Variants in SOX5 observed in about 807,000 individuals in gnomAD.
SOX5 encodes SRY-box transcription factor 5, also known as transcription factor SOX-5.
A neutral mutation model predicts 92.0 loss-of-function variants in SOX5; 9 were observed. The observed-to-expected ratio is 0.10, with a 90% CI of 0.06 to 0.17. The LOEUF (loss-of-function observed/expected upper bound fraction) is 0.17, where lower values mean the gene tolerates loss of function less well. SOX5 is among the 10% of genes least tolerant of loss of function. SOX5 has a pLI of 1.00. For missense variants in SOX5, 642 were observed against 944.5 expected (o/e 0.68, Z 4.20); for synonymous variants, 344 against 336.3 (o/e 1.02, Z -0.25).
intron 3 of SOX5, among the ~76,000 whole-genome samples, chr12:24,268,384 A>C (rs1032230882): frequency 6.6e-6 from 1 of 152,192 alleles, no homozygotes; most frequent in Admixed American, 6.5e-5. Context: ...TTTACTGAAA[A>C]TGCTTCATTA....
intron 3 of SOX5, among the ~76,000 whole-genome samples, chr12:23,801,524 T>A (rs536630413): frequency 3.4e-4 from 52 of 152,314 alleles, no homozygotes; most frequent in African/African-American, 1.2e-3. Context: ...CCTTTCCTTT[T>A]ACGTACATTT....
At chr12:24,395,015 T>C (rs1959547523) in intron 1 of SOX5, among the ~76,000 whole-genome samples, 1 of 152,212 alleles carries the variant, frequency 6.6e-6, no homozygotes, top group Non-Finnish European at 1.5e-5. Context: ...TAAATGACTG[T>C]TGATTAATGA....
At chr12:24,216,792 G>A (rs1321945254) in intron 3 of SOX5, among the ~76,000 whole-genome samples, 1 of 152,122 alleles carries the variant, frequency 6.6e-6, no homozygotes, top group East Asian at 1.9e-4. Flanking sequence ...GCTGGGCAGG[G>A]TGGTGCACGC....
intron 6 of SOX5, among the ~76,000 whole-genome samples, chr12:23,714,090 C>CAAA (rs545073798): frequency 6.3e-5 from 6 of 94,648 alleles, no homozygotes; most frequent in African/African-American, 2.2e-4. Context: ...GACTCCGCCT[C>CAAA]AAAAAAAAAA....
At chr12:23,719,128 T>A (rs148034977) in intron 6 of SOX5, among the ~76,000 whole-genome samples, 3 of 152,346 alleles carry the variant, frequency 2.0e-5, no homozygotes, top group Admixed American at 1.3e-4. Context: ...CAATATTTTT[T>A]AATTTTTTCT....
At chr12:23,805,658 T>C (rs1022600687) in intron 3 of SOX5, among the ~76,000 whole-genome samples, 6 of 152,098 alleles carry the variant, frequency 3.9e-5, no homozygotes, top group South Asian at 4.1e-4. Context: ...TATACAAATA[T>C]ATATGGCCAA....
chr12:23,732,852 C>T (rs2093441704), intron 6 of SOX5, among the ~76,000 whole-genome samples: 1 of 152,146 alleles, frequency 6.6e-6, no homozygotes, highest in Non-Finnish European at 1.5e-5. Context: ...CCTTTGCTCT[C>T]TGAAATACAG....
At chr12:24,561,145 C>T (rs1954300462) in intron 1 of SOX5, among the ~76,000 whole-genome samples, 1 of 152,182 alleles carries the variant, frequency 6.6e-6, no homozygotes. Flanking sequence ...AAGTGGGTTC[C>T]AGCAAATCCC....
chr12:24,225,968 G>A (rs528740894), intron 3 of SOX5, among the ~76,000 whole-genome samples: 2 of 152,222 alleles, frequency 1.3e-5, no homozygotes, highest in South Asian at 4.1e-4. Flanking sequence ...AAATATAGTG[G>A]GATAGTACCA....
At chr12:23,554,146 G>A (rs577853982) in intron 11 of SOX5, among the ~76,000 whole-genome samples, 6 of 152,056 alleles carry the variant, frequency 3.9e-5, no homozygotes, top group East Asian at 3.9e-4. Context: ...CTGAAACTTC[G>A]TCACTTGTTT....
chr12:24,053,428 C>CTA (rs1957782484), intron 4 of SOX5, among the ~76,000 whole-genome samples: 3 of 151,954 alleles, frequency 2.0e-5, no homozygotes, highest in African/African-American at 7.3e-5. Context: ...CCGCGCCTGG[C>CTA]CCCGTACTCT....
intron 1 of SOX5, among the ~76,000 whole-genome samples, chr12:24,386,622 T>A (rs999067434): frequency 3.3e-5 from 5 of 152,180 alleles, no homozygotes; most frequent in Non-Finnish European, 4.4e-5. Flanking sequence ...ACTTGTCATA[T>A]ACTTGGGGAA....
intron 4 of SOX5, among the ~76,000 whole-genome samples, chr12:24,012,736 T>C (rs1163591825): frequency 6.6e-6 from 1 of 152,198 alleles, no homozygotes; most frequent in African/African-American, 2.4e-5. Context: ...CATCCATTTT[T>C]AACCACTGTT....
intron 7 of SOX5, among the ~76,000 whole-genome samples, chr12:23,647,939 A>G (rs1420626350): frequency 3.9e-5 from 6 of 152,192 alleles, no homozygotes; most frequent in Admixed American, 3.9e-4. Context: ...TCCTTCCAGA[A>G]CTTTTCCTTT....
At chr12:23,624,407 T>G (rs1337661303) in intron 8 of SOX5, among the ~76,000 whole-genome samples, 1 of 151,998 alleles carries the variant, frequency 6.6e-6, no homozygotes, top group Non-Finnish European at 1.5e-5. Flanking sequence ...TAGTAAAGTT[T>G]TAGGGCACAA....
chr12:23,907,554 A>G (rs1379527103), intron 1 of SOX5, among the ~76,000 whole-genome samples: 1 of 152,146 alleles, frequency 6.6e-6, no homozygotes, highest in Non-Finnish European at 1.5e-5. Flanking sequence ...TAGTATTACT[A>G]ATTTCTTAGT....
chr12:24,311,994 GATTTTA>G (rs1949225798), intron 2 of SOX5, among the ~76,000 whole-genome samples: 1 of 152,068 alleles, frequency 6.6e-6, no homozygotes, highest in Non-Finnish European at 1.5e-5. Context: ...TAAAAGAAGT[GATTTTA>G]AAAATTCTAC....
At chr12:24,494,623 G>T (rs1184037780) in intron 1 of SOX5, among the ~76,000 whole-genome samples, 1 of 152,140 alleles carries the variant, frequency 6.6e-6, no homozygotes, top group Non-Finnish European at 1.5e-5. Context: ...AAGTAATGTG[G>T]TTTCAAGAAA....
At chr12:24,537,953 T>C (rs371493092) in intron 1 of SOX5, among the ~76,000 whole-genome samples, 3 of 152,368 alleles carry the variant, frequency 2.0e-5, no homozygotes, top group African/African-American at 7.2e-5. Flanking sequence ...TCTTGTTCGA[T>C]TGATGTTTCC....
Sources: gnomAD v4.1 joint callset for allele counts (sites outside exome capture counted in the v4.1 genomes callset) on GRCh38, gnomAD v4.1.1 for gene constraint, MANE v1.5 for transcripts, NCBI Gene and HGNC (gene_info 2026-07-23, HGNC 2026-07-21) for gene names.